Variants in OTOG observed in about 807,000 individuals in gnomAD.
The protein encoded by OTOG is otogelin.
Under a neutral mutation model 313.8 loss-of-function variants are expected in OTOG, and 296 were observed. The observed-to-expected ratio is 0.94, with a 90% CI of 0.86 to 1.04. The LOEUF is 1.04. OTOG is among the 50% of genes least tolerant of loss of function. The pLI is 0.00. For missense variants in OTOG, 3,948 were observed against 3,840.1 expected (o/e 1.03, Z -0.74); for synonymous variants, 1,533 against 1,554.9 (o/e 0.99, Z 0.33).
rs1042461886 is a variant in OTOG, at chr11:17,641,941, C to A, written c.8285C>A (p.Ser2762Tyr). The A allele has an allele frequency of 6.5e-7, 1 of 1,550,292 alleles. No homozygotes were observed. The highest frequency in any genetic ancestry group is 2.0e-5 in the Admixed American group (1 of 50,980). The part of the protein sequence containing the change: ...CLFTFPNGTT[S>Y]LFLPGASWIA... Reference sequence around the variant, plus strand: ...TTCACCTTCCCCAATGGCACCACCTCCCTGTTCTTGGTAAGCAGCCCCCTC... The same window carrying A: ...TTCACCTTCCCCAATGGCACCACCTACCTGTTCTTGGTAAGCAGCCCCCTC... Residue 2762 changes from serine (S) to tyrosine (Y), a missense_variant, in exon 52 of 56, where the codon TCC becomes TAC. Physicochemically the swap from Ser to Tyr is moderately radical, Grantham distance 144 (BLOSUM62 -2). Coordinates refer to ENST00000399397, the MANE Select transcript of OTOG (RefSeq NM_001292063.2).
intron 39 of OTOG, among the ~76,000 whole-genome samples, chr11:17,617,967 T>C (rs61880561): frequency 0.22 from 32,670 of 151,546 alleles, 4,213 homozygotes; most frequent in African/African-American, 0.36. Flanking sequence ...GGCTGGAGTG[T>C]AGTGGTGTGA....
chr11:17,601,875 G>A (rs1393991484), intron 31 of OTOG, among the ~76,000 whole-genome samples: 1 of 152,210 alleles, frequency 6.6e-6, no homozygotes, highest in Non-Finnish European at 1.5e-5. Flanking sequence ...TAGAGCAGTG[G>A]CTGTAATGGT....
intron 39 of OTOG, 71 bp downstream of exon 39, chr11:17,613,772 G>T: frequency 7.8e-7 from 1 of 1,283,404 alleles, no homozygotes. Flanking sequence ...TCCAGGGGTG[G>T]AGGGGCTGTG....
intron 24 of OTOG, among the ~76,000 whole-genome samples, chr11:17,589,364 CTTCCTGT>C (rs1451328970): frequency 6.6e-6 from 1 of 152,130 alleles, no homozygotes; most frequent in African/African-American, 2.4e-5. Context: ...GATGATACTG[CTTCCTGT>C]TTCCCTGAGG....
At chr11:17,558,902 A>T in intron 10 of OTOG, 150 bp from the exon 11 acceptor site, 1 of 739,308 alleles carries the variant, frequency 1.4e-6, no homozygotes, top group South Asian at 1.6e-5. Flanking sequence ...AAGTCTAGGG[A>T]TCTGTTCACC....
At chr11:17,555,203 A>AGAG (rs10688213) in intron 6 of OTOG, among the ~76,000 whole-genome samples, 27,512 of 116,090 alleles carry the variant, frequency 0.24, 2,635 homozygotes, top group Middle Eastern at 0.4. Context: ...TGGCGGGGGC[A>AGAG]GAGATGTGTG....
intron 47 of OTOG, 42 bp downstream of exon 47, chr11:17,635,753 G>A: frequency 1.3e-6 from 2 of 1,494,730 alleles, no homozygotes; most frequent in African/African-American, 2.8e-5. Context: ...GGCAGGAAGG[G>A]GCCCTTCACA....
At chr11:17,608,558 A>G in intron 34 of OTOG, 145 bp downstream of exon 34, 2 of 597,206 alleles carry the variant, frequency 3.3e-6, no homozygotes, top group South Asian at 4.7e-5. Context: ...CCGTATATGC[A>G]CATATGTCAG....
At chr11:17,635,042 G>A (rs183152609) in intron 45 of OTOG, 38 bp from the exon 46 acceptor site, 7 of 1,539,182 alleles carry the variant, frequency 4.5e-6, no homozygotes, top group South Asian at 2.4e-5. Context: ...GGCCAGGCAG[G>A]TTCCTCTCCC....
At position 17,609,803 on chromosome 11, in the gene OTOG, A is replaced by G. The variant is rs913567495; in HGVS notation, c.4503A>G (p.Pro1501=). 3.2e-5 allele frequency: 49 copies of G among 1,545,156 alleles called. No individual in the cohort carries two copies. The highest frequency in any genetic ancestry group is 3.4e-4 in the Middle Eastern group (2 of 5,954). The change falls in exon 36 of 56, where the codon CCA becomes CCG. Residue 1501 remains proline (P), a synonymous_variant. Transcript: ENST00000399397. ...RTPTHRPALT[P]AAPLTTALNP... ...CCACCCACAGGCCAGCCCTCACCCCAGCTGCCCCACTCACCACAGCCCTGA... is the reference window on the plus strand; with the variant it reads ...CCACCCACAGGCCAGCCCTCACCCCGGCTGCCCCACTCACCACAGCCCTGA...
chr11:17,572,169 C>G lies in OTOG; in HGVS notation c.2045C>G (p.Ser682Cys), dbSNP rs775057451. 7.7e-6 allele frequency: 12 copies of G among 1,550,364 alleles called. No individual in the cohort carries two copies. The highest frequency in any genetic ancestry group is 1.0e-5 in the Non-Finnish European group (12 of 1,146,932). Residue 682 changes from serine (S) to cysteine (C), a missense_variant, in exon 18 of 56, where the codon TCC becomes TGC. Transcript: ENST00000399397. ...LSACSPLVSG[S>C]PLDPCDVHLQ... ...GCTTGCTCCCCGCTGGTCTCTGGCTCCCCTCTGGACCCCTGCGATGTGCAC... is the reference window on the plus strand; with the variant it reads ...GCTTGCTCCCCGCTGGTCTCTGGCTGCCCTCTGGACCCCTGCGATGTGCAC...
chr11:17,569,535 G>A (rs1005958590), intron 16 of OTOG, among the ~76,000 whole-genome samples: 1 of 152,190 alleles, frequency 6.6e-6, no homozygotes, highest in Non-Finnish European at 1.5e-5. Context: ...ATATACATGG[G>A]TGTTTCCCAT....
chr11:17,632,182 A>G lies in OTOG; in HGVS notation c.7028A>G (p.His2343Arg). 6.4e-7 allele frequency: 1 copy of G among 1,551,140 alleles called. No individual in the cohort carries two copies. The highest frequency in any genetic ancestry group is 8.7e-7 in the Non-Finnish European group (1 of 1,147,000). The change falls in exon 42 of 56, where the codon CAC (histidine) becomes CGC (arginine). Residue 2343 changes from histidine (H) to arginine (R), a missense_variant. By Grantham distance (29) the His-to-Arg change is conservative. Transcript: ENST00000399397. The stretch of plus-strand genomic sequence containing the variant: ...CTGACTGTGTACGTGGCCATGTGCC[A>G]CAAATTTCATGTGTGCATCGAGTGG... ...VALTVYVAMC[H>R]KFHVCIEWRR... is the part of the protein sequence containing the mutation.
Position 17,632,209 on chromosome 11 carries a change from G to A in OTOG, c.7055G>A (p.Arg2352Gln), listed in dbSNP as rs1358829838. ...CHKFHVCIEW[R>Q]RSDYCPFLCS... is the part of the protein sequence containing the mutation. ...AAATTTCATGTGTGCATCGAGTGGCGGCGCTCTGACTACTGCCGTGAGTTT... is the reference window on the plus strand; with the variant it reads ...AAATTTCATGTGTGCATCGAGTGGCAGCGCTCTGACTACTGCCGTGAGTTT... Residue 2352 changes from arginine to glutamine, a missense_variant, in exon 42 of 56, where the codon CGG becomes CAG. Coordinates refer to ENST00000399397, the MANE Select transcript of OTOG (RefSeq NM_001292063.2). The A allele has an allele frequency of 9.7e-6, 15 of 1,550,610 alleles. No homozygotes were observed. The highest frequency in any genetic ancestry group is 8.2e-5 in the African/African-American group (6 of 73,000).
intron 29 of OTOG, 130 bp downstream of exon 29, chr11:17,596,284 T>C: frequency 2.9e-6 from 2 of 695,826 alleles, no homozygotes; most frequent in Non-Finnish European, 5.0e-6. Context: ...CCTCTGCCAT[T>C]CCCCTGCCTC....
At chr11:17,589,534 C>A (rs1258571445) in intron 24 of OTOG, among the ~76,000 whole-genome samples, 3 of 152,194 alleles carry the variant, frequency 2.0e-5, no homozygotes, top group Non-Finnish European at 2.9e-5. Flanking sequence ...CCTAAGGGAA[C>A]CACTGCAGCA....
rs758938705 is a variant in OTOG at position 17,610,151 on chromosome 11, C to G, written c.4851C>G (p.Thr1617=). 1 of 1,550,654 alleles carries G rather than the reference C, an allele frequency of 6.4e-7. No individual in the cohort carries two copies. Residue 1617 remains threonine (T), a synonymous_variant, in exon 36 of 56, where the codon ACC becomes ACG. Coordinates refer to ENST00000399397, the MANE Select transcript of OTOG (RefSeq NM_001292063.2). ...SPPAPRFPLM[T]KAVTVRGHGS... ...CTGCCCCTCGCTTCCCGCTCATGAC[C>G]AAGGCTGTGACAGTCCGAGGCCATG...
At chr11:17,558,071 T>C in intron 8 of OTOG, 114 bp from the exon 9 acceptor site, 2 of 1,300,636 alleles carry the variant, frequency 1.5e-6, no homozygotes, top group Middle Eastern at 2.5e-4. Context: ...GGAGACCGGA[T>C]TCTTCAAAAC....
chr11:17,633,842 A>G lies in OTOG; in HGVS notation c.7235A>G (p.His2412Arg). ...CSEGTILHRR[H>R]SALCIPEAKC... ...GAGGGCACCATCTTACACCGGCGCCACTCTGCACTCTGCATCCCGGAGGCC... is the reference window on the plus strand; with the variant it reads ...GAGGGCACCATCTTACACCGGCGCCGCTCTGCACTCTGCATCCCGGAGGCC... The change falls in exon 43 of 56, where the codon CAC becomes CGC. Residue 2412 changes from histidine (H) to arginine (R), a missense_variant. Coordinates refer to ENST00000399397, the MANE Select transcript of OTOG (RefSeq NM_001292063.2). The G allele has an allele frequency of 6.5e-7, 1 of 1,545,892 alleles. No homozygotes were observed. The highest frequency in any genetic ancestry group is 8.7e-7 in the Non-Finnish European group (1 of 1,145,084).
Sources: allele counts gnomAD v4.1 joint callset (sites outside exome capture counted in the v4.1 genomes callset), GRCh38; gene constraint gnomAD v4.1.1; transcripts MANE v1.5; gene names NCBI Gene and HGNC (gene_info 2026-07-23, HGNC 2026-07-21).